CIDEC: variants seen among roughly 807,000 people sequenced by gnomAD.
CIDEC encodes the protein cell death inducing DFFA like effector c.
CIDEC carries 11 observed loss-of-function variants against 21.9 expected under a neutral mutation model. The ratio of observed to expected loss-of-function variants is 0.50; its 90% CI spans 0.32 to 0.83. The LOEUF (loss-of-function observed/expected upper bound fraction) is 0.83. CIDEC is among the 40% of genes least tolerant of loss of function. CIDEC has a pLI of 0.04. For missense variants in CIDEC, 302 were observed against 302.3 expected (o/e 1.00, Z 0.01); for synonymous variants, 127 against 124.9 (o/e 1.02, Z -0.11).
At chr3:9,872,816 C>T (rs1387875857) in intron 4 of CIDEC, among the ~76,000 whole-genome samples, 2 of 151,828 alleles carry the variant, frequency 1.3e-5, no homozygotes, top group Non-Finnish European at 2.9e-5. Context: ...GGTGAAACCC[C>T]GTCTCTACTA....
chr3:9,869,814 T>C (rs2082320306), intron 6 of CIDEC, 68 bp downstream of exon 6: 4 of 1,442,202 alleles, frequency 2.8e-6, no homozygotes, highest in African/African-American at 2.8e-5. Context: ...GCTGAGTCCA[T>C]GTGGACAGAT....
chr3:9,870,067 C>G lies in CIDEC; in HGVS notation c.369G>C (p.Gly123=). 4 of 1,614,174 alleles carry G rather than the reference C, an allele frequency of 2.5e-6. No individual in the cohort carries two copies. The highest frequency in any genetic ancestry group is 3.4e-6 in the Non-Finnish European group (4 of 1,180,024). The part of the protein sequence containing the change: ...GQKWQPPSEQ[G]TRHPLSLSHK... ...GGGAGAGGGACAGTGGGTGCCTTGTCCCCTGCATTGAGACAAGCAAATGGT... is the reference window on the plus strand; with the variant it reads ...GGGAGAGGGACAGTGGGTGCCTTGTGCCCTGCATTGAGACAAGCAAATGGT... Residue 123 remains glycine (G), a splice_region_variant and synonymous_variant, in exon 6 of 7, where the codon GGG becomes GGC. Transcript: ENST00000336832.
intron 4 of CIDEC, among the ~76,000 whole-genome samples, chr3:9,873,400 G>A (rs1441552696): frequency 1.3e-5 from 2 of 152,198 alleles, no homozygotes; most frequent in South Asian, 2.1e-4. Flanking sequence ...GGTGGATCAC[G>A]AGGTCAGGAG....
intron 3 of CIDEC, 189 bp downstream of exon 3, chr3:9,878,245 G>A: frequency 3.1e-6 from 2 of 641,156 alleles, no homozygotes; most frequent in Admixed American, 4.6e-5. Context: ...GGTGGTGTAA[G>A]CAGCAGCATT....
chr3:9,877,240 G>C, intron 3 of CIDEC, 21 bp from the exon 4 acceptor site: 1 of 1,549,646 alleles, frequency 6.5e-7, no homozygotes, highest in Non-Finnish European at 8.7e-7. Context: ...TGAAGCATCA[G>C]GGTGAGCCAC....
At chr3:9,873,731 G>A (rs34245480) in intron 4 of CIDEC, among the ~76,000 whole-genome samples, 50 of 152,186 alleles carry the variant, frequency 3.3e-4, no homozygotes, top group African/African-American at 1.1e-3. Flanking sequence ...ACTACCTTAA[G>A]GCTCTCATCA....
rs1559252816 is a variant in CIDEC, at chr3:9,876,929, G to A, written c.207+137C>T. 4 of 712,456 alleles carry A rather than the reference G, an allele frequency of 5.6e-6. No homozygotes were observed. In the South Asian group the frequency reaches 6.5e-5, roughly 12 times the overall value. The allele number at this position is 712,456 out of a possible 1,614,324, so 44.1% of individuals were successfully genotyped here. On this transcript the variant is annotated intron_variant, in intron 4 of 6. Transcript: ENST00000336832. ...TCAGTCATTGCTAATTAGTTGGACA[G>A]CTCTCCAGGTGGGCATTACCATCTG...
chr3:9,878,770 C>T, intron 2 of CIDEC, 172 bp downstream of exon 2: 1 of 1,536,252 alleles, frequency 6.5e-7, no homozygotes, highest in Admixed American at 2.0e-5. Context: ...CTGCCCCAGT[C>T]CCACTCACTC....
rs368873359 is a variant in CIDEC at position 9,877,298 on chromosome 3, C to A, written c.54-79G>T. On this transcript the variant is annotated intron_variant, in intron 3 of 6. Coordinates refer to ENST00000336832, the MANE Select transcript of CIDEC (RefSeq NM_001321142.2). ...ACCACACAGGGGAGCCACCTCCCCA[C>A]CCCTCCTGACTGGGCTCATGATCAG... 29 of 1,331,990 alleles carry A rather than the reference C, an allele frequency of 2.2e-5. No homozygotes were observed. The East Asian group carries it at 2.8e-4, about 13-fold the overall frequency. 82.5% of individuals were successfully genotyped at this position (1,331,990 alleles called of 1,614,324 possible).
At chr3:9,867,798 C>T (rs1052484704) in intron 6 of CIDEC, among the ~76,000 whole-genome samples, 1 of 151,976 alleles carries the variant, frequency 6.6e-6, no homozygotes, top group African/African-American at 2.4e-5. Context: ...GGCGTGGTGG[C>T]AGACACCTGT....
At position 9,870,137 on chromosome 3, in the gene CIDEC, C is replaced by T. The variant is rs1273934517; in HGVS notation, c.366+27G>A. The T allele has an allele frequency of 2.5e-6, 4 of 1,614,162 alleles. No individual in the cohort carries two copies. In the South Asian group the frequency reaches 4.4e-5, roughly 18 times the overall value. ...CTCCCAGAGTCCCGATTTTCTCCCC[C>T]ATCAGGTGCAACAGGTGGGACCTCA... On this transcript the variant is annotated intron_variant, in intron 5 of 6. Coordinates refer to ENST00000336832, the MANE Select transcript of CIDEC (RefSeq NM_001321142.2).
intron 4 of CIDEC, among the ~76,000 whole-genome samples, chr3:9,876,757 C>CA (rs6147705): frequency 0.022 from 1,504 of 67,506 alleles, 196 homozygotes; most frequent in African/African-American, 0.035. Context: ...GACTTCGTCT[C>CA]AAAAAAAAAA....
At chr3:9,872,645 C>T (rs1051578019) in intron 4 of CIDEC, among the ~76,000 whole-genome samples, 1 of 151,916 alleles carries the variant, frequency 6.6e-6, no homozygotes, top group Non-Finnish European at 1.5e-5. Context: ...CTATTTTCTC[C>T]CATTTTGTGG....
At chr3:9,869,045 T>A (rs1375775776) in intron 6 of CIDEC, among the ~76,000 whole-genome samples, 2 of 152,102 alleles carry the variant, frequency 1.3e-5, no homozygotes, top group Non-Finnish European at 1.5e-5. Flanking sequence ...CCGAGGCTGG[T>A]CTCAAACTCA....
At chr3:9,867,919 GTC>G (rs2082295282) in intron 6 of CIDEC, among the ~76,000 whole-genome samples, 2 of 152,144 alleles carry the variant, frequency 1.3e-5, no homozygotes, top group African/African-American at 4.8e-5. Context: ...GACAGAGTGA[GTC>G]TCTGTCTCAA....
At chr3:9,877,009 C>A in intron 4 of CIDEC, 57 bp downstream of exon 4, 2 of 1,450,210 alleles carry the variant, frequency 1.4e-6, no homozygotes, top group Non-Finnish European at 1.9e-6. Context: ...GCCCTGACCT[C>A]CATCTCTGCT....
chr3:9,867,196 C>T lies in CIDEC; in HGVS notation c.655G>A (p.Gly219Arg). The T allele has an allele frequency of 6.2e-7, 1 of 1,614,094 alleles. No individual in the cohort carries two copies. Among genetic ancestry groups the T allele is most frequent in the South Asian group, 1.1e-5 (1 of 91,080 alleles). ...GAGGCCTTGCCCTTGGGGGGCTGCC[C>T]TTCCTCCGTAGCATCGAGGAGCTGC... is the stretch of plus-strand genomic sequence containing the variant. Reference protein sequence around the residue: ...LQQLLDATEEGQPPKGKASSL... With the variant: ...LQQLLDATEERQPPKGKASSL... Residue 219 changes from glycine to arginine, a missense_variant, in exon 7 of 7, where the codon GGG (glycine) becomes AGG (arginine). Transcript: ENST00000336832.
chr3:9,875,909 CA>C (rs1482120312), intron 4 of CIDEC, among the ~76,000 whole-genome samples: 1 of 152,144 alleles, frequency 6.6e-6, no homozygotes, highest in Admixed American at 6.5e-5. Flanking sequence ...AAAACAGCAC[CA>C]AGTCCAGGTT....
intron 4 of CIDEC, among the ~76,000 whole-genome samples, chr3:9,872,126 T>C (rs746327849): frequency 8.6e-5 from 13 of 151,994 alleles, no homozygotes; most frequent in Non-Finnish European, 1.6e-4. Context: ...TATCCACTTT[T>C]TGGTGGATGA....
Sources: gnomAD v4.1 joint callset for allele counts (sites outside exome capture counted in the v4.1 genomes callset) on GRCh38, gnomAD v4.1.1 for gene constraint, MANE v1.5 for transcripts, NCBI Gene and HGNC (gene_info 2026-07-23, HGNC 2026-07-21) for gene names.